The following KAT6B variants were observed in gnomAD, a reference collection of about 807,000 sequenced individuals.
KAT6B encodes the protein histone acetyltransferase KAT6B.
KAT6B carries 10 observed loss-of-function variants against 187.5 expected under a neutral mutation model. The ratio of observed to expected loss-of-function variants is 0.05; its 90% CI spans 0.03 to 0.09. KAT6B has a LOEUF of 0.09. Ranked by LOEUF, KAT6B falls within the 10% of genes least tolerant of loss-of-function variation. The probability of loss-of-function intolerance (pLI) is 1.00; values close to 1 mark genes in which losing one functional copy is unlikely to be tolerated. For synonymous variants in KAT6B, 861 were observed against 926.8 expected, an observed-to-expected ratio of 0.93 and a Z score of 1.29; for missense variants, 1,952 against 2,558.9, an observed-to-expected ratio of 0.76 and a Z score of 5.12.
intron 3 of KAT6B, among the ~76,000 whole-genome samples, chr10:74,900,193 A>G (rs1223152337): frequency 6.6e-6 from 1 of 152,244 alleles, no homozygotes; most frequent in Non-Finnish European, 1.5e-5. Context: ...TGATACTAAC[A>G]CAATTATTTT....
intron 13 of KAT6B, among the ~76,000 whole-genome samples, chr10:74,991,486 T>TAAA (rs1843123005): frequency 6.6e-6 from 1 of 152,244 alleles, no homozygotes; most frequent in African/African-American, 2.4e-5. Flanking sequence ...TTTTAACCAT[T>TAAA]TTAGTGAAAA....
chr10:74,844,486 A>G (rs1841966686), intron 3 of KAT6B, among the ~76,000 whole-genome samples: 1 of 152,268 alleles, frequency 6.6e-6, no homozygotes, highest in Non-Finnish European at 1.5e-5. Flanking sequence ...GGCGTGAGAC[A>G]CCATGCCTGG....
chr10:74,911,745 C>A (rs1227743481), intron 3 of KAT6B, among the ~76,000 whole-genome samples: 1 of 152,088 alleles, frequency 6.6e-6, no homozygotes, highest in African/African-American at 2.4e-5. Flanking sequence ...TATTTTGATA[C>A]ATTTTCTAGA....
At chr10:75,011,643 T>C (rs763910705) in intron 13 of KAT6B, among the ~76,000 whole-genome samples, 2 of 152,228 alleles carry the variant, frequency 1.3e-5, no homozygotes, top group Non-Finnish European at 2.9e-5. Context: ...ATTTTATCTG[T>C]GTGGCAGGTG....
chr10:74,995,351 T>C (rs1843359281), intron 13 of KAT6B, among the ~76,000 whole-genome samples: 1 of 152,252 alleles, frequency 6.6e-6, no homozygotes, highest in Non-Finnish European at 1.5e-5. Flanking sequence ...CTGTTTGTTT[T>C]TTATTTTATA....
chr10:74,970,455 C>T (rs1224005214), intron 6 of KAT6B, among the ~76,000 whole-genome samples: 2 of 152,042 alleles, frequency 1.3e-5, no homozygotes, highest in African/African-American at 4.8e-5. Flanking sequence ...GTGTTAAGAG[C>T]TTAACAAATT....
intron 2 of KAT6B, among the ~76,000 whole-genome samples, chr10:74,839,085 G>A (rs1002556396): frequency 2.0e-5 from 3 of 151,760 alleles, no homozygotes; most frequent in African/African-American, 7.2e-5. Flanking sequence ...TCTGGGCGGT[G>A]GAGATTGCAG....
At chr10:74,879,655 A>G (rs537365773) in intron 3 of KAT6B, among the ~76,000 whole-genome samples, 58 of 152,326 alleles carry the variant, frequency 3.8e-4, no homozygotes, top group African/African-American at 1.2e-3. Flanking sequence ...AAGCCTTTCA[A>G]TGAATCTGAG....
chr10:74,981,908 A>G lies in KAT6B; in HGVS notation c.2353A>G (p.Lys785Glu), dbSNP rs1842539725. The G allele has an allele frequency of 6.2e-7, 1 of 1,613,854 alleles. No individual in the cohort carries two copies. The highest frequency in any genetic ancestry group is 1.7e-5 in the Admixed American group (1 of 60,002). Reference protein sequence around the residue: ...HPPANEIYRRKDLSVFEVDGN... With the variant: ...HPPANEIYRREDLSVFEVDGN... ...TCCAGCAAATGAAATTTACCGAAGG[A>G]AAGACCTTTCAGTATTTGAGGTAAG... Residue 785 changes from lysine to glutamate, a missense_variant, in exon 11 of 18, where the codon AAA becomes GAA. Physicochemically the swap from Lys to Glu is moderately conservative, Grantham distance 56. Around this residue, in one of 9 missense-constraint regions of KAT6B, gnomAD observed 87 missense variants for 191.8 expected, o/e 0.45. Transcript: ENST00000287239.
Position 74,974,389 on chromosome 10 carries a change from C to T in KAT6B, c.1062-1010C>T, listed in dbSNP as rs550434797. 2.6e-5 allele frequency among the ~76,000 whole-genome samples: 4 copies of T among 152,264 alleles called. No individual in the cohort carries two copies. The East Asian group carries it at 5.8e-4, about 22-fold the overall frequency. ...CAGTATTGTATCTTTTTAAGGCTTTCATTTTGTCATTATTCACCTTTAGCT... is the reference window on the plus strand; with the variant it reads ...CAGTATTGTATCTTTTTAAGGCTTTTATTTTGTCATTATTCACCTTTAGCT... On this transcript the variant is annotated intron_variant, in intron 7 of 17. Transcript: ENST00000287239.
In KAT6B at chr10:74,843,724, C is replaced by T. The variant is rs11001179; in HGVS notation, c.621+246C>T. On this transcript the variant is annotated intron_variant, in intron 3 of 17. Transcript: ENST00000287239. ...TTTGTTTTTAAGCTCTAATTGCTAA[C>T]TGGTTGGTGTCTGAAGGGACCAGGA... Among the ~76,000 whole-genome samples, 46,549 of 152,100 alleles carry T rather than the reference C, an allele frequency of 0.31. 12,573 individuals are homozygous for T. Among genetic ancestry groups the T allele is most frequent in the African/African-American group, 0.71 (29,563 of 41,458 alleles).
At chr10:74,889,193 A>G (rs958352489) in intron 3 of KAT6B, among the ~76,000 whole-genome samples, 2 of 152,228 alleles carry the variant, frequency 1.3e-5, no homozygotes, top group Non-Finnish European at 2.9e-5. Context: ...TATGTTGTCA[A>G]ATTTTTTTTA....
chr10:74,995,513 T>A (rs1019670328), intron 13 of KAT6B, among the ~76,000 whole-genome samples: 7 of 152,208 alleles, frequency 4.6e-5, no homozygotes, highest in Non-Finnish European at 1.0e-4. Context: ...AGCTTGTAGT[T>A]TATCCTTCCT....
chr10:74,850,531 C>T (rs1010546573), intron 3 of KAT6B, among the ~76,000 whole-genome samples: 4 of 152,188 alleles, frequency 2.6e-5, no homozygotes, highest in Admixed American at 2.6e-4. Context: ...GGTATTACCA[C>T]ACTGGCTTCT....
Position 75,030,685 on chromosome 10 carries a change from G to C in KAT6B, c.5861G>C (p.Gly1954Ala). The part of the protein sequence containing the change: ...YGRSQTVAMQ[G>A]PARTLTMQRG... Reference sequence around the variant, plus strand: ...CGCTCCCAGACTGTAGCCATGCAGGGTCCTGCACGGACTTTAACGATGCAA... The same window carrying C: ...CGCTCCCAGACTGTAGCCATGCAGGCTCCTGCACGGACTTTAACGATGCAA... The change falls in exon 18 of 18, where the codon GGT (glycine) becomes GCT (alanine). Residue 1954 changes from glycine (G) to alanine (A), a missense_variant. Physicochemically the swap from Gly to Ala is moderately conservative, Grantham distance 60 (BLOSUM62 0). This residue lies in a region of KAT6B where 358 missense variants were observed against 436.3 expected (regional missense o/e 0.82). Coordinates refer to ENST00000287239, the MANE Select transcript of KAT6B (RefSeq NM_012330.4). This position sits in a 1 kb window ranked among gnomAD's most constrained non-coding sequence, Gnocchi z 4.8. The C allele has an allele frequency of 6.2e-7, 1 of 1,614,212 alleles. No homozygotes were observed. Among genetic ancestry groups the C allele is most frequent in the Admixed American group, 1.7e-5 (1 of 60,022 alleles).
At chr10:74,946,726 G>A (rs1201151002) in intron 3 of KAT6B, among the ~76,000 whole-genome samples, 1 of 152,172 alleles carries the variant, frequency 6.6e-6, no homozygotes, top group Non-Finnish European at 1.5e-5. Context: ...GCTTAGGAAG[G>A]GAAGTGGAAA....
intron 13 of KAT6B, among the ~76,000 whole-genome samples, chr10:74,992,439 G>C (rs1843176976): frequency 6.6e-6 from 1 of 152,170 alleles, no homozygotes. Flanking sequence ...AATGTGCTCA[G>C]AACACTTACA....
In KAT6B at chr10:74,976,010, G is replaced by A. The variant is rs768923495; in HGVS notation, c.1673G>A (p.Arg558His). 2.0e-5 allele frequency: 32 copies of A among 1,613,896 alleles called. No homozygotes were observed. Among genetic ancestry groups the A allele is most frequent in the Non-Finnish European group, 2.6e-5 (31 of 1,180,012 alleles). The change falls in exon 8 of 18, where the codon CGC becomes CAC. Residue 558 changes from arginine to histidine, a missense_variant. Physicochemically the swap from Arg to His is conservative, Grantham distance 29. Coordinates refer to ENST00000287239, the MANE Select transcript of KAT6B (RefSeq NM_012330.4). ...ATCTATACCACTCAGGGACAGTCTC[G>A]CAAAAAGGGACACCCGAGTTATGCA... is the stretch of plus-strand genomic sequence containing the variant. ...SHIYTTQGQS[R>H]KKGHPSYAPP...
At chr10:74,930,086 AT>A (rs1025388272) in intron 3 of KAT6B, among the ~76,000 whole-genome samples, 5 of 151,306 alleles carry the variant, frequency 3.3e-5, no homozygotes, top group African/African-American at 1.2e-4. Flanking sequence ...TACCTGGCTA[AT>A]TTTTTTTGTA....
Sources: allele counts gnomAD v4.1 joint callset (sites outside exome capture counted in the v4.1 genomes callset), GRCh38; gene constraint gnomAD v4.1.1; regional missense constraint gnomAD v4.1.1; non-coding constraint Gnocchi (gnomAD v3.1); transcripts MANE v1.5; gene names NCBI Gene and HGNC (gene_info 2026-07-23, HGNC 2026-07-21).